TENM3: variants seen among roughly 807,000 people sequenced by gnomAD.
The protein encoded by TENM3 is teneurin transmembrane protein 3.
Under a neutral mutation model 255.1 loss-of-function variants are expected in TENM3, and 63 were observed. That is an observed-to-expected ratio of 0.25 (90% CI 0.20 to 0.30). The LOEUF (loss-of-function observed/expected upper bound fraction) is 0.30, where lower values mean the gene tolerates loss of function less well. Ranked by LOEUF, TENM3 falls within the 10% of genes least tolerant of loss-of-function variation. TENM3 has a pLI of 1.00. For missense variants in TENM3, 2,929 were observed against 3,461.1 expected (o/e 0.85, Z 3.86); for synonymous variants, 1,306 against 1,322.3 (o/e 0.99, Z 0.27).
chr4:181,603,024 G>A, the TENM3 span, among the ~76,000 whole-genome samples: 8 of 152,088 alleles, frequency 5.3e-5, no homozygotes, highest in African/African-American at 1.2e-4. Flanking sequence ...AAATATGTGC[G>A]GTGCCACCTG....
the TENM3 span, among the ~76,000 whole-genome samples, chr4:182,006,180 C>A: frequency 6.6e-6 from 1 of 152,146 alleles, no homozygotes; most frequent in South Asian, 2.1e-4. Flanking sequence ...TTTTCCCATT[C>A]AATATAATAT....
At chr4:182,426,061 T>C (rs971862441) in intron 3 of TENM3, among the ~76,000 whole-genome samples, 2 of 148,648 alleles carry the variant, frequency 1.3e-5, no homozygotes, top group Admixed American at 1.4e-4. Context: ...GGTATTAGAA[T>C]TTTTATAATG....
At chr4:182,125,250 C>A in the TENM3 span, among the ~76,000 whole-genome samples, 3 of 152,296 alleles carry the variant, frequency 2.0e-5, no homozygotes, top group East Asian at 3.9e-4. Context: ...TGCTACTCGC[C>A]CCTTCCATCT....
intron 6 of TENM3, among the ~76,000 whole-genome samples, chr4:182,655,706 C>G (rs1353340529): frequency 2.0e-5 from 3 of 152,162 alleles, no homozygotes; most frequent in African/African-American, 4.8e-5. Context: ...AAAAGAACAT[C>G]ACATGAATGT....
chr4:182,800,273 G>T lies in TENM3; in HGVS notation c.8022G>T (p.Ser2674=), dbSNP rs773785094. The T allele has an allele frequency of 2.5e-6, 4 of 1,594,208 alleles. No individual in the cohort carries two copies. The highest frequency in any genetic ancestry group is 4.5e-5 in the East Asian group (2 of 44,700). Residue 2674 remains serine, a synonymous_variant, in exon 28 of 28, where the codon TCG becomes TCT. Transcript: ENST00000511685. ...GCTACGACGGGTACTACGTACTCTCGGTGGAGCAGTACCCCGAGCTGGCCG... is the reference window on the plus strand; with the variant it reads ...GCTACGACGGGTACTACGTACTCTCTGTGGAGCAGTACCCCGAGCTGGCCG... ...VQGYDGYYVL[S]VEQYPELADS...
chr4:182,135,019 A>G, the TENM3 span, among the ~76,000 whole-genome samples: 1 of 151,866 alleles, frequency 6.6e-6, no homozygotes, highest in Non-Finnish European at 1.5e-5. Context: ...CATCCTGGCC[A>G]ACATGGTGAA....
chr4:182,043,424 C>G, the TENM3 span, among the ~76,000 whole-genome samples: 1 of 152,142 alleles, frequency 6.6e-6, no homozygotes, highest in Non-Finnish European at 1.5e-5. Context: ...TTTTGTACAA[C>G]TGCCTGTAGA....
rs150697709 is a variant in TENM3 at position 182,526,575 on chromosome 4, T to C, written c.512-74349T>C. ...AGAAAATAGTGGGAAGGAAGAATAT[T>C]ACTTTGTTTAGTGTCTGCAACCCTC... On this transcript the variant is annotated intron_variant, in intron 3 of 27. Coordinates refer to ENST00000511685, the MANE Select transcript of TENM3 (RefSeq NM_001080477.4). Among the ~76,000 whole-genome samples the C allele has an allele frequency of 7.2e-4, 110 of 152,268 alleles. 2 individuals are homozygous for C. In the East Asian group the frequency reaches 0.021, roughly 29 times the overall value.
chr4:182,464,016 A>C, intron 3 of TENM3, among the ~76,000 whole-genome samples: 1 of 152,184 alleles, frequency 6.6e-6, no homozygotes, highest in East Asian at 1.9e-4. Flanking sequence ...AGATTAATAC[A>C]ATAGTAAGGA....
At chr4:181,845,709 G>A in the TENM3 span, among the ~76,000 whole-genome samples, 21 of 152,188 alleles carry the variant, frequency 1.4e-4, no homozygotes, top group South Asian at 3.7e-3. Flanking sequence ...ATTTATTAAC[G>A]CTCTATACCT....
chr4:182,407,587 G>A (rs1030412482), intron 3 of TENM3, among the ~76,000 whole-genome samples: 4 of 152,054 alleles, frequency 2.6e-5, no homozygotes, highest in Non-Finnish European at 4.4e-5. Flanking sequence ...CATTTGCTGA[G>A]TGAATGAATG....
At chr4:181,604,136 G>A in the TENM3 span, among the ~76,000 whole-genome samples, 8 of 152,082 alleles carry the variant, frequency 5.3e-5, 1 homozygote, top group Non-Finnish European at 1.5e-5. Flanking sequence ...GTGGTGGCGG[G>A]TGCCTGTAGT....
intron 16 of TENM3, among the ~76,000 whole-genome samples, chr4:182,732,817 C>T (rs1760877557): frequency 1.3e-5 from 2 of 152,066 alleles, no homozygotes; most frequent in African/African-American, 4.8e-5. Flanking sequence ...GGGAGTGAGA[C>T]CCTGTCTCAA....
At chr4:181,712,563 C>G in the TENM3 span, among the ~76,000 whole-genome samples, 1 of 152,140 alleles carries the variant, frequency 6.6e-6, no homozygotes, top group African/African-American at 2.4e-5. Context: ...TTATAAATTA[C>G]CCAGTCTCAG....
Position 182,793,629 on chromosome 4 carries a change from T to C in TENM3, c.6957T>C (p.Thr2319=). 1 of 1,614,018 alleles carries C rather than the reference T, an allele frequency of 6.2e-7. No homozygotes were observed. The highest frequency in any genetic ancestry group is 1.7e-5 in the Admixed American group (1 of 60,024). Residue 2319 remains threonine (T), a synonymous_variant, in exon 26 of 28, where the codon ACT becomes ACC. Transcript: ENST00000511685. This position sits in a 1 kb window ranked among gnomAD's most constrained non-coding sequence, Gnocchi z 5.7. ...NGLMLKQIQY[T]AYGEIYFDSN... ...TTATGCTGAAACAGATTCAGTACAC[T>C]GCATATGGGGAAATCTATTTTGACT...
rs77627736 is a variant in TENM3, at chr4:182,393,499, T to A, written c.511+46570T>A. Among the ~76,000 whole-genome samples, 671 of 152,310 alleles carry A rather than the reference T, an allele frequency of 4.4e-3. 23 individuals are homozygous for A. The East Asian group carries it at 0.076, about 17-fold the overall frequency. On this transcript the variant is annotated intron_variant, in intron 3 of 27. Transcript: ENST00000511685. Reference sequence around the variant, plus strand: ...ATAATCAAAATATAGAAATAATCATTCCACAAGCCTAATTTATTTAATATA... The same window carrying A: ...ATAATCAAAATATAGAAATAATCATACCACAAGCCTAATTTATTTAATATA...
intron 13 of TENM3, among the ~76,000 whole-genome samples, chr4:182,720,271 G>A (rs1052361825): frequency 1.3e-5 from 2 of 151,302 alleles, no homozygotes; most frequent in African/African-American, 4.9e-5. Flanking sequence ...TAGCAAGAAG[G>A]TGGGACTATT....
At chr4:182,586,071 T>C (rs150574919) in intron 3 of TENM3, among the ~76,000 whole-genome samples, 1 of 152,310 alleles carries the variant, frequency 6.6e-6, no homozygotes, top group East Asian at 1.9e-4. Context: ...TGGGGCAATA[T>C]AGCAAGACCC....
chr4:182,381,978 G>A (rs1303138752), intron 3 of TENM3, among the ~76,000 whole-genome samples: 1 of 152,186 alleles, frequency 6.6e-6, no homozygotes, highest in Non-Finnish European at 1.5e-5. Context: ...GAGTATTGCT[G>A]ACATTGCTAG....
Sources: gnomAD v4.1 joint callset for allele counts (sites outside exome capture counted in the v4.1 genomes callset) on GRCh38, gnomAD v4.1.1 for gene constraint, Gnocchi (gnomAD v3.1) non-coding constraint, MANE v1.5 for transcripts, NCBI Gene and HGNC (gene_info 2026-07-23, HGNC 2026-07-21) for gene names.